Variants in ARHGEF4 observed in about 807,000 individuals in gnomAD.
ARHGEF4 encodes Rho guanine nucleotide exchange factor 4, also known as APC-stimulated guanine nucleotide exchange factor 1.
Under a neutral mutation model 162.0 loss-of-function variants are expected in ARHGEF4, and 119 were observed. The ratio of observed to expected loss-of-function variants is 0.73; its 90% CI spans 0.63 to 0.86. ARHGEF4 has a LOEUF of 0.86. Ranked by LOEUF, ARHGEF4 falls within the 40% of genes least tolerant of loss-of-function variation. The pLI, the probability that ARHGEF4 is intolerant of heterozygous loss-of-function variation, is 0.00. For missense variants in ARHGEF4, 2,488 were observed against 2,456.0 expected (o/e 1.01, Z -0.28); for synonymous variants, 1,014 against 979.9 (o/e 1.03, Z -0.65).
chr2:131,004,967 G>A (rs1017571654), intron 4 of ARHGEF4, among the ~76,000 whole-genome samples: 2 of 152,146 alleles, frequency 1.3e-5, no homozygotes, highest in African/African-American at 4.8e-5. Context: ...GGTGGGGAAA[G>A]CTTGTGGTTG....
intron 4 of ARHGEF4, among the ~76,000 whole-genome samples, chr2:130,976,984 G>A (rs1419678615): frequency 6.6e-6 from 1 of 151,446 alleles, no homozygotes; most frequent in Non-Finnish European, 1.5e-5. Flanking sequence ...TGTGTTTGTA[G>A]TGTATATTAC....
chr2:130,915,318 G>A lies in ARHGEF4; in HGVS notation c.1372G>A (p.Ala458Thr), dbSNP rs1183467178. 19 of 1,550,566 alleles carry A rather than the reference G, an allele frequency of 1.2e-5. No homozygotes were observed. Among genetic ancestry groups the A allele is most frequent in the Middle Eastern group, 1.7e-4 (1 of 6,014 alleles). Residue 458 changes from alanine to threonine, a missense_variant, in exon 2 of 14, where the codon GCT (alanine) becomes ACT (threonine). Around this residue, in one of 6 missense-constraint regions of ARHGEF4, gnomAD observed 1,642 missense variants for 1,481.5 expected, o/e 1.11. Coordinates refer to ENST00000409359, the MANE Select transcript of ARHGEF4 (RefSeq NM_001367493.1). ...KLSAEEVPEP[A>T]ECKSEQSPES... ...CAGTGCAGAGGAAGTGCCTGAGCCCGCTGAGTGCAAGTCAGAGCAAAGCCC... is the reference window on the plus strand; with the variant it reads ...CAGTGCAGAGGAAGTGCCTGAGCCCACTGAGTGCAAGTCAGAGCAAAGCCC...
intron 4 of ARHGEF4, among the ~76,000 whole-genome samples, chr2:130,978,795 G>T (rs565803661): frequency 3.3e-5 from 5 of 150,706 alleles, no homozygotes; most frequent in Non-Finnish European, 7.4e-5. Context: ...AAAACAAAAA[G>T]AATCAGCAAT....
intron 4 of ARHGEF4, among the ~76,000 whole-genome samples, chr2:131,015,291 C>CGAA (rs1688704862): frequency 6.6e-6 from 1 of 152,162 alleles, no homozygotes; most frequent in Non-Finnish European, 1.5e-5. Context: ...CTGAGGTTTT[C>CGAA]AGTGAGCCGT....
At chr2:131,017,373 G>C (rs558727092) in intron 4 of ARHGEF4, among the ~76,000 whole-genome samples, 4 of 152,076 alleles carry the variant, frequency 2.6e-5, no homozygotes, top group African/African-American at 9.7e-5. Flanking sequence ...TCAACCTTCC[G>C]TTCATGCAGT....
At chr2:131,017,514 G>T (rs1198546399) in intron 4 of ARHGEF4, among the ~76,000 whole-genome samples, 1 of 152,142 alleles carries the variant, frequency 6.6e-6, no homozygotes, top group African/African-American at 2.4e-5. Flanking sequence ...CTGCAAATTT[G>T]CTAGATGAAC....
chr2:130,990,447 A>G (rs971347482), intron 4 of ARHGEF4, among the ~76,000 whole-genome samples: 1 of 152,182 alleles, frequency 6.6e-6, no homozygotes, highest in Admixed American at 6.5e-5. Context: ...GAACCCTAGA[A>G]GGTGCAATCC....
At chr2:131,045,311 G>T in intron 12 of ARHGEF4, 58 bp from the exon 13 acceptor site, 7 of 1,482,280 alleles carry the variant, frequency 4.7e-6, no homozygotes, top group Admixed American at 1.7e-5. Flanking sequence ...AGGTGTGCAG[G>T]GAACTGCACC....
At chr2:130,945,405 T>C (rs1474145216) in intron 3 of ARHGEF4, among the ~76,000 whole-genome samples, 1 of 152,074 alleles carries the variant, frequency 6.6e-6, no homozygotes, top group Non-Finnish European at 1.5e-5. Context: ...CAGAGAGGAT[T>C]CCTGTCCCTC....
chr2:131,030,249 T>TG (rs1307765788), intron 5 of ARHGEF4, among the ~76,000 whole-genome samples: 3 of 151,652 alleles, frequency 2.0e-5, no homozygotes, highest in Middle Eastern at 3.4e-3. Flanking sequence ...GGTGTTTTTT[T>TG]GGGCTCTGAG....
intron 1 of ARHGEF4, among the ~76,000 whole-genome samples, chr2:130,844,315 G>A (rs894532928): frequency 2.0e-5 from 3 of 152,202 alleles, no homozygotes; most frequent in East Asian, 1.9e-4. Context: ...CTCCACAGAC[G>A]GGGATGGTGC....
intron 5 of ARHGEF4, among the ~76,000 whole-genome samples, chr2:131,033,220 G>A (rs911883303): frequency 1.3e-5 from 2 of 152,176 alleles, no homozygotes; most frequent in Admixed American, 1.3e-4. Flanking sequence ...TACCACTGCC[G>A]TTCCTGCCAT....
chr2:131,044,262 C>T (rs1195177007), intron 11 of ARHGEF4, 37 bp from the exon 12 acceptor site: 23 of 1,604,580 alleles, frequency 1.4e-5, no homozygotes, highest in East Asian at 6.7e-5. Flanking sequence ...GTCAGGGGAG[C>T]GGTTCAGCAG....
intron 4 of ARHGEF4, among the ~76,000 whole-genome samples, chr2:131,009,004 A>G (rs1330702502): frequency 6.6e-6 from 1 of 152,252 alleles, no homozygotes; most frequent in Non-Finnish European, 1.5e-5. Flanking sequence ...TTATCATTTT[A>G]TCTTGAAGAT....
intron 2 of ARHGEF4, among the ~76,000 whole-genome samples, chr2:130,925,384 T>C (rs1032415579): frequency 6.6e-6 from 1 of 152,128 alleles, no homozygotes; most frequent in Admixed American, 6.5e-5. Flanking sequence ...ATGGATAGTC[T>C]TTTCGAGAAA....
chr2:131,015,150 G>A (rs567593651), intron 4 of ARHGEF4, among the ~76,000 whole-genome samples: 7 of 152,318 alleles, frequency 4.6e-5, no homozygotes, highest in Admixed American at 2.6e-4. Context: ...ACTGGGAGAC[G>A]AAGGAGCCTG....
At chr2:131,004,301 G>A (rs1687972547) in intron 4 of ARHGEF4, among the ~76,000 whole-genome samples, 1 of 152,294 alleles carries the variant, frequency 6.6e-6, no homozygotes. Context: ...GAGTAGCTGG[G>A]ACTACAGGCC....
intron 5 of ARHGEF4, among the ~76,000 whole-genome samples, chr2:131,036,653 T>TTC (rs1346619417): frequency 1.3e-5 from 2 of 152,170 alleles, no homozygotes; most frequent in Non-Finnish European, 2.9e-5. Context: ...GGCACCAGGC[T>TTC]TCTGCTCAGG....
At chr2:130,874,257 T>A (rs1372754761) in intron 1 of ARHGEF4, among the ~76,000 whole-genome samples, 1 of 152,216 alleles carries the variant, frequency 6.6e-6, no homozygotes, top group African/African-American at 2.4e-5. Flanking sequence ...ACAAGGCGGC[T>A]GTACCAACAG....
Sources: allele counts gnomAD v4.1 joint callset (sites outside exome capture counted in the v4.1 genomes callset), GRCh38; gene constraint gnomAD v4.1.1; regional missense constraint gnomAD v4.1.1; transcripts MANE v1.5; gene names NCBI Gene and HGNC (gene_info 2026-07-23, HGNC 2026-07-21).